The following TSPAN16 variants were observed in gnomAD, a reference collection of about 807,000 sequenced individuals.
TSPAN16 encodes tetraspanin 16, also known as tetraspanin-16.
In TSPAN16, 23 loss-of-function variants were observed where a neutral mutation model predicts 25.2. The observed-to-expected ratio is 0.91, with a 90% CI of 0.66 to 1.29. The LOEUF is 1.29. TSPAN16 is among the 50% of genes most tolerant of loss of function. TSPAN16 has a pLI of 0.00. For synonymous variants in TSPAN16, 123 were observed against 124.4 expected (o/e 0.99, Z 0.08); for missense variants, 272 against 299.9 (o/e 0.91, Z 0.69).
At chr19:11,319,692 G>A (rs932170632), downstream of TSPAN16, among the ~76,000 whole-genome samples, 1 of 152,182 alleles carries the variant, frequency 6.6e-6, no homozygotes, top group African/African-American at 2.4e-5. Context: ...GGCAATGTGT[G>A]GGGGATGGTG....
chr19:11,312,152 A>C lies in TSPAN16; in HGVS notation c.617A>C (p.Lys206Thr). The C allele has an allele frequency of 6.2e-7, 1 of 1,611,542 alleles. No individual in the cohort carries two copies. The highest frequency in any genetic ancestry group is 8.5e-7 in the Non-Finnish European group (1 of 1,179,508). ...NVIHQKGCFH[K>T]LLKITKTQSF... ...TTGTTTCCTCAGGGCTGTTTCCATAAACTCCTAAAAATCACCAAGACTCAG... is the reference window on the plus strand; with the variant it reads ...TTGTTTCCTCAGGGCTGTTTCCATACACTCCTAAAAATCACCAAGACTCAG... Residue 206 changes from lysine to threonine, a missense_variant, in exon 6 of 7, where the codon AAA becomes ACA. Transcript: ENST00000590327.
chr19:11,317,731 G>A (rs941503172), downstream of TSPAN16, among the ~76,000 whole-genome samples: 3 of 150,836 alleles, frequency 2.0e-5, no homozygotes, highest in African/African-American at 4.9e-5. Context: ...CTGACCTCAG[G>A]AGAATTGCTT....
chr19:11,307,497 C>T (rs2147947320), intron 5 of TSPAN16, among the ~76,000 whole-genome samples: 1 of 151,892 alleles, frequency 6.6e-6, no homozygotes, highest in South Asian at 2.1e-4. Flanking sequence ...CGGCTCACTG[C>T]AGCCTCAAAC....
intron 1 of TSPAN16, 25 bp downstream of exon 1, chr19:11,296,391 CT>C: frequency 6.2e-7 from 1 of 1,612,730 alleles, no homozygotes; most frequent in Non-Finnish European, 8.5e-7. Context: ...ATCCAGGCCC[CT>C]GGTTTGTTGC....
downstream of TSPAN16, chr19:11,316,118 G>GTGTGTGGTT: frequency 9.4e-6 from 1 of 106,060 alleles, no homozygotes; most frequent in Non-Finnish European, 1.5e-5. Context: ...TGTGTGTGTG[G>GTGTGTGGTT]TTTTTTTTTT....
At chr19:11,299,054 TG>T in intron 3 of TSPAN16, 108 bp downstream of exon 3, 2 of 1,090,426 alleles carry the variant, frequency 1.8e-6, no homozygotes, top group Non-Finnish European at 2.7e-6. Context: ...CTGAGTCTGG[TG>T]GATCACCTGA....
chr19:11,300,013 A>T (rs1220204663), intron 3 of TSPAN16, among the ~76,000 whole-genome samples: 1 of 152,012 alleles, frequency 6.6e-6, no homozygotes, highest in Non-Finnish European at 1.5e-5. Flanking sequence ...AAAGAAAAGA[A>T]AAAAGAAAGA....
At chr19:11,313,682 C>A (rs2080717340) in intron 6 of TSPAN16, among the ~76,000 whole-genome samples, 1 of 151,986 alleles carries the variant, frequency 6.6e-6, no homozygotes, top group Non-Finnish European at 1.5e-5. Context: ...TAGGGAAATG[C>A]CAATAAAAAC....
chr19:11,301,607 C>A (rs1225363919), intron 4 of TSPAN16, among the ~76,000 whole-genome samples: 1 of 150,954 alleles, frequency 6.6e-6, no homozygotes, highest in Non-Finnish European at 1.5e-5. Flanking sequence ...ACCACTGCAT[C>A]CCAGCCTGGG....
At chr19:11,303,577 T>TAAAAAAAAAAAAAAAAAA (rs1322861353) in intron 4 of TSPAN16, among the ~76,000 whole-genome samples, 1 of 78,308 alleles carries the variant, frequency 1.3e-5, no homozygotes, top group Non-Finnish European at 2.7e-5. Context: ...ATAAATAAAT[T>TAAAAAAAAAAAAAAAAAA]AAAAAAAAAA....
intron 5 of TSPAN16, among the ~76,000 whole-genome samples, chr19:11,309,250 G>A (rs143161914): frequency 1.6e-4 from 24 of 151,928 alleles, no homozygotes; most frequent in African/African-American, 4.3e-4. Flanking sequence ...AATATGAATC[G>A]TTCATTCCTT....
chr19:11,301,308 G>C lies in TSPAN16; in HGVS notation c.450G>C (p.Lys150Asn). 2 of 1,612,532 alleles carry C rather than the reference G, an allele frequency of 1.2e-6. No individual in the cohort carries two copies. The highest frequency in any genetic ancestry group is 1.7e-6 in the Non-Finnish European group (2 of 1,178,916). ...YSTQWNLVME[K>N]LKCCGVNNYT... ...CACAGTGGAACTTGGTCATGGAGAA[G>C]GTGAGGCTTACTTAAAAAAAAAAAA... The change falls in exon 4 of 7, where the codon AAG becomes AAC. Residue 150 changes from lysine to asparagine, a missense_variant and splice_region_variant. Physicochemically the swap from Lys to Asn is moderately conservative, Grantham distance 94. Transcript: ENST00000590327.
intron 4 of TSPAN16, among the ~76,000 whole-genome samples, chr19:11,301,642 A>G (rs1398451387): frequency 2.0e-5 from 3 of 150,872 alleles, no homozygotes; most frequent in Non-Finnish European, 3.0e-5. Flanking sequence ...TCTGTTTAAA[A>G]AAAAAAAAAA....
intron 5 of TSPAN16, among the ~76,000 whole-genome samples, chr19:11,308,771 C>T (rs571613090): frequency 4.0e-4 from 61 of 152,124 alleles, no homozygotes; most frequent in Admixed American, 1.1e-3. Context: ...CCGCGCCTGG[C>T]CTAATTTTTG....
intron 6 of TSPAN16, among the ~76,000 whole-genome samples, chr19:11,313,315 C>T (rs1359656867): frequency 6.6e-6 from 1 of 151,944 alleles, no homozygotes; most frequent in African/African-American, 2.4e-5. Flanking sequence ...AGATCGAGAC[C>T]AGCCTGACGA....
At chr19:11,302,652 T>C (rs1436926829) in intron 4 of TSPAN16, among the ~76,000 whole-genome samples, 11 of 120,648 alleles carry the variant, frequency 9.1e-5, no homozygotes, top group Admixed American at 1.8e-4. Flanking sequence ...CATATATATA[T>C]ACACATACAT....
chr19:11,313,930 A>C (rs972723480), intron 6 of TSPAN16, among the ~76,000 whole-genome samples: 6 of 152,228 alleles, frequency 3.9e-5, no homozygotes, highest in Non-Finnish European at 5.9e-5. Context: ...AGGATTATTC[A>C]TAATAATCAA....
intron 6 of TSPAN16, chr19:11,321,450 A>G (rs1327759342): frequency 6.6e-6 from 1 of 152,174 alleles, no homozygotes; most frequent in Non-Finnish European, 1.5e-5. Context: ...CTCTCCCTTG[A>G]CACGTGAGGA....
downstream of TSPAN16, among the ~76,000 whole-genome samples, chr19:11,317,908 G>T (rs1192794672): frequency 2.0e-5 from 3 of 151,794 alleles, no homozygotes; most frequent in Non-Finnish European, 4.4e-5. Context: ...TATTTACCCT[G>T]TTCCTCTTGT....
Sources: gnomAD v4.1 joint callset for allele counts (sites outside exome capture counted in the v4.1 genomes callset) on GRCh38, gnomAD v4.1.1 for gene constraint, MANE v1.5 for transcripts, NCBI Gene and HGNC (gene_info 2026-07-23, HGNC 2026-07-21) for gene names.